The following SDK1 variants were observed in gnomAD, a reference collection of about 807,000 sequenced individuals.
The protein encoded by SDK1 is protein sidekick-1.
A neutral mutation model predicts 245.5 loss-of-function variants in SDK1; 157 were observed. The observed-to-expected ratio is 0.64, with a 90% CI of 0.56 to 0.73. The LOEUF (loss-of-function observed/expected upper bound fraction) is 0.73, where lower values mean the gene tolerates loss of function less well. Among genes scored for constraint, SDK1 ranks in the 30% least tolerant of loss-of-function variants. The probability of loss-of-function intolerance (pLI) is 0.00; values close to 1 mark genes in which losing one functional copy is unlikely to be tolerated. For missense variants in SDK1, 3,583 were observed against 3,002.3 expected, an observed-to-expected ratio of 1.19 and a Z score of -4.52; for synonymous variants, 1,647 against 1,278.5, an observed-to-expected ratio of 1.29 and a Z score of -6.15.
At chr7:4,063,245 G>A (rs1779652278) in intron 19 of SDK1, among the ~76,000 whole-genome samples, 1 of 152,112 alleles carries the variant, frequency 6.6e-6, no homozygotes, top group Non-Finnish European at 1.5e-5. Context: ...AAATAAATTT[G>A]GTGAGGTTGC....
At chr7:3,874,894 G>C (rs557064420) in intron 5 of SDK1, among the ~76,000 whole-genome samples, 51 of 152,144 alleles carry the variant, frequency 3.4e-4, no homozygotes, top group Non-Finnish European at 6.3e-4. Flanking sequence ...AGAGGTGCCT[G>C]TTCTTCCCCC....
At chr7:4,061,855 C>T (rs1363346704) in intron 19 of SDK1, among the ~76,000 whole-genome samples, 1 of 151,402 alleles carries the variant, frequency 6.6e-6, no homozygotes, top group Non-Finnish European at 1.5e-5. Flanking sequence ...AATTGGAAAT[C>T]ATCATTCTCA....
chr7:3,394,009 G>T (rs1243108302), intron 1 of SDK1, among the ~76,000 whole-genome samples: 1 of 152,102 alleles, frequency 6.6e-6, no homozygotes, highest in African/African-American at 2.4e-5. Context: ...ATATTCAAAA[G>T]GAGTTGGGTA....
intron 38 of SDK1, among the ~76,000 whole-genome samples, chr7:4,215,342 G>A (rs1784734131): frequency 6.6e-6 from 1 of 152,210 alleles, no homozygotes; most frequent in African/African-American, 2.4e-5. Context: ...TCCAGGCCTT[G>A]GGCGGAGTCC....
chr7:4,013,989 C>T (rs115285279), intron 16 of SDK1, among the ~76,000 whole-genome samples: 88 of 152,376 alleles, frequency 5.8e-4, no homozygotes, highest in African/African-American at 2.0e-3. Context: ...CCGCCGCCTG[C>T]GGCCGAGGGC....
At position 3,505,934 on chromosome 7, in the gene SDK1, T is replaced by C. The variant is rs79414995; in HGVS notation, c.299-113146T>C. On this transcript the variant is annotated intron_variant, in intron 1 of 44. Coordinates refer to ENST00000404826, the MANE Select transcript of SDK1 (RefSeq NM_152744.4). The stretch of plus-strand genomic sequence containing the variant: ...CCTGCCCCTTGTGCAATTACTGTTA[T>C]GCATTTTATATTTATTTTTATGTTT... Among the ~76,000 whole-genome samples, 574 of 152,360 alleles carry C rather than the reference T, an allele frequency of 3.8e-3. 7 individuals are homozygous for C. The highest frequency in any genetic ancestry group is 0.012 in the African/African-American group (511 of 41,584).
chr7:3,492,697 C>G (rs1219850381), intron 1 of SDK1, among the ~76,000 whole-genome samples: 2 of 152,168 alleles, frequency 1.3e-5, no homozygotes, highest in South Asian at 2.1e-4. Context: ...CTGATGCTCT[C>G]TCTGTTACAT....
At chr7:4,220,437 C>T (rs529077167) in intron 39 of SDK1, among the ~76,000 whole-genome samples, 167 bp downstream of exon 39, 9 of 151,424 alleles carry the variant, frequency 5.9e-5, no homozygotes, top group African/African-American at 7.3e-5. Flanking sequence ...CAAAAGCACG[C>T]GTCAACATGG....
At chr7:4,264,840 G>A (rs987899088) in intron 44 of SDK1, among the ~76,000 whole-genome samples, 2 of 152,186 alleles carry the variant, frequency 1.3e-5, no homozygotes, top group African/African-American at 2.4e-5. Context: ...CCTCTCCTGG[G>A]TGGAGGCCCA....
intron 14 of SDK1, among the ~76,000 whole-genome samples, chr7:3,991,145 A>G (rs951673751): frequency 6.6e-6 from 1 of 152,226 alleles, no homozygotes; most frequent in Admixed American, 6.5e-5. Flanking sequence ...AGTCAGAGAA[A>G]GTCTTCAAAG....
In SDK1 at chr7:3,827,570, G is replaced by A. The variant is rs572779972; in HGVS notation, c.847+5987G>A. ...TTCAATCTTTTGCTGTCTACAAAAC[G>A]AGGTGGGACCTACGTGTGTTGTCAG... On this transcript the variant is annotated intron_variant, in intron 5 of 44. Coordinates refer to ENST00000404826, the MANE Select transcript of SDK1 (RefSeq NM_152744.4). 4.6e-5 allele frequency among the ~76,000 whole-genome samples: 7 copies of A among 152,298 alleles called. No individual in the cohort carries two copies. In the South Asian group the frequency reaches 1.0e-3, roughly 23 times the overall value.
chr7:3,584,265 T>C (rs1016770520), intron 1 of SDK1, among the ~76,000 whole-genome samples: 4 of 152,132 alleles, frequency 2.6e-5, no homozygotes, highest in Non-Finnish European at 5.9e-5. Context: ...TATTTGACCA[T>C]GAGATCTATT....
At chr7:3,669,501 C>A (rs752156057) in intron 4 of SDK1, among the ~76,000 whole-genome samples, 1 of 146,374 alleles carries the variant, frequency 6.8e-6, no homozygotes, top group Admixed American at 6.8e-5. Flanking sequence ...CCTTCTTTAA[C>A]CACTCTCTTC....
chr7:4,005,714 A>G (rs1356899178), intron 14 of SDK1, among the ~76,000 whole-genome samples: 1 of 152,152 alleles, frequency 6.6e-6, no homozygotes, highest in African/African-American at 2.4e-5. Context: ...TATTAATAAT[A>G]TGATGATGCT....
chr7:3,390,949 A>T (rs1781734228), intron 1 of SDK1, among the ~76,000 whole-genome samples: 1 of 152,182 alleles, frequency 6.6e-6, no homozygotes, highest in African/African-American at 2.4e-5. Flanking sequence ...ATTAATTTTT[A>T]AGCACCCAAC....
At chr7:3,302,338 C>T (rs1189735227) in intron 1 of SDK1, 1 of 152,262 alleles carries the variant, frequency 6.6e-6, no homozygotes, top group South Asian at 2.1e-4. Flanking sequence ...TCCCCAGGGC[C>T]TCGTCCTCTC....
At chr7:3,605,610 C>G (rs1781397625) in intron 1 of SDK1, among the ~76,000 whole-genome samples, 2 of 152,106 alleles carry the variant, frequency 1.3e-5, no homozygotes, top group African/African-American at 4.8e-5. Flanking sequence ...AGAAATGTCA[C>G]CTACTATTTA....
At chr7:3,366,571 G>T (rs985610973) in intron 1 of SDK1, among the ~76,000 whole-genome samples, 1 of 152,098 alleles carries the variant, frequency 6.6e-6, no homozygotes, top group African/African-American at 2.4e-5. Context: ...CACAAGAGCA[G>T]ATTTTTGCCA....
chr7:3,544,822 G>C (rs996522188), intron 1 of SDK1, among the ~76,000 whole-genome samples: 2 of 152,192 alleles, frequency 1.3e-5, no homozygotes, highest in African/African-American at 4.8e-5. Flanking sequence ...AGTTAGTGTG[G>C]GTTGAGTGAG....
Sources: gnomAD v4.1 joint callset for allele counts (sites outside exome capture counted in the v4.1 genomes callset) on GRCh38, gnomAD v4.1.1 for gene constraint, MANE v1.5 for transcripts, NCBI Gene and HGNC (gene_info 2026-07-23, HGNC 2026-07-21) for gene names.